OTOGL: variants seen among roughly 807,000 people sequenced by gnomAD.
OTOGL encodes otogelin-like protein.
A neutral mutation model predicts 318.5 loss-of-function variants in OTOGL; 285 were observed. The ratio of observed to expected loss-of-function variants is 0.89; its 90% CI spans 0.81 to 0.99. The LOEUF (loss-of-function observed/expected upper bound fraction) is 0.99. Among genes scored for constraint, OTOGL ranks in the 50% least tolerant of loss-of-function variants. The pLI, the probability that OTOGL is intolerant of heterozygous loss-of-function variation, is 0.00. For synonymous variants in OTOGL, 987 were observed against 936.5 expected (o/e 1.05, Z -0.99); for missense variants, 2,899 against 2,845.6 (o/e 1.02, Z -0.43).
At chr12:80,139,539 T>C (rs1374824610) in intron 1 of OTOGL, among the ~76,000 whole-genome samples, 2 of 152,160 alleles carry the variant, frequency 1.3e-5, no homozygotes, top group Admixed American at 6.6e-5. Flanking sequence ...ATGTGCACTC[T>C]CTTTTCTTTG....
At chr12:80,170,178 G>GGTGTGTGTGTGTGTGTGTGT (rs532627744) in intron 1 of OTOGL, among the ~76,000 whole-genome samples, 6 of 144,044 alleles carry the variant, frequency 4.2e-5, no homozygotes, top group African/African-American at 5.2e-5. Flanking sequence ...CTTTGTCAGG[G>GGTGTGTGTGTGTGTGTGTGT]GTGTGTGTGT....
chr12:80,356,308 T>G lies in OTOGL; in HGVS notation c.5807-108T>G. On this transcript the variant is annotated intron_variant, in intron 47 of 58. Coordinates refer to ENST00000547103, the MANE Select transcript of OTOGL (RefSeq NM_001378609.3). Reference sequence around the variant, plus strand: ...GTAAAAACATGCATAATGAGAGTCATTTCCCGTCTTTGAGTTTCCTGTCTT... The same window carrying G: ...GTAAAAACATGCATAATGAGAGTCAGTTCCCGTCTTTGAGTTTCCTGTCTT... The G allele has an allele frequency of 6.2e-6, 5 of 807,910 alleles. No individual in the cohort carries two copies. In the South Asian group the frequency reaches 9.0e-5, roughly 15 times the overall value. The allele number at this position is 807,910 out of a possible 1,614,324, so 50.0% of individuals were successfully genotyped here. A position where few individuals can be genotyped will look rare whatever the true frequency, so the allele number is the denominator to read the frequency against.
At chr12:80,302,890 A>G in intron 28 of OTOGL, 107 bp downstream of exon 28, 1 of 1,054,734 alleles carries the variant, frequency 9.5e-7, no homozygotes, top group Non-Finnish European at 1.2e-6. Flanking sequence ...GAACTAGGTT[A>G]TATTTCCAGA....
chr12:80,320,620 T>C lies in OTOGL; in HGVS notation c.4001T>C (p.Ile1334Thr). Residue 1334 changes from isoleucine (I) to threonine (T), a missense_variant, in exon 34 of 59, where the codon ATA (isoleucine) becomes ACA (threonine). Physicochemically the swap from Ile to Thr is moderately conservative, Grantham distance 89. Around this residue, in one of 3 missense-constraint regions of OTOGL, gnomAD observed 2,607 missense variants for 2,524.9 expected, o/e 1.03. Coordinates refer to ENST00000547103, the MANE Select transcript of OTOGL (RefSeq NM_001378609.3). ...ELYSKKGFFI[I>T]FTDSSVKASK... ...TACAGCAAGAAAGGCTTTTTCATCA[T>C]ATTCACAGATTCTAGTGTCAAAGCA... The C allele has an allele frequency of 6.2e-7, 1 of 1,611,430 alleles. No individual in the cohort carries two copies.
chr12:80,178,641 C>G (rs1874705991), intron 1 of OTOGL, among the ~76,000 whole-genome samples: 1 of 152,142 alleles, frequency 6.6e-6, no homozygotes, highest in African/African-American at 2.4e-5. Flanking sequence ...ATGCTTACCA[C>G]ACAGTTTGTC....
At chr12:80,302,575 A>G in intron 27 of OTOGL, 59 bp from the exon 28 acceptor site, 1 of 1,074,598 alleles carries the variant, frequency 9.3e-7, no homozygotes, top group Non-Finnish European at 1.2e-6. Flanking sequence ...AACTAATTTG[A>G]TATATTTTGG....
intron 11 of OTOGL, among the ~76,000 whole-genome samples, chr12:80,242,178 T>A (rs962174263): frequency 1.3e-5 from 2 of 152,188 alleles, no homozygotes; most frequent in Non-Finnish European, 2.9e-5. Context: ...CCACTTCATC[T>A]GAAATTTCAT....
intron 1 of OTOGL, among the ~76,000 whole-genome samples, chr12:80,105,313 T>C (rs1869393429): frequency 6.6e-6 from 1 of 152,158 alleles, no homozygotes; most frequent in Non-Finnish European, 1.5e-5. Flanking sequence ...TAAAATGGTA[T>C]GGGTAGAAGG....
At chr12:80,291,256 T>A (rs768118273) in intron 26 of OTOGL, among the ~76,000 whole-genome samples, 1 of 152,244 alleles carries the variant, frequency 6.6e-6, no homozygotes, top group Non-Finnish European at 1.5e-5. Context: ...TTTCTCTCTC[T>A]CAGTTCCTCA....
Position 80,379,359 on chromosome 12 carries a change from A to G in OTOGL, c.*1311A>G, listed in dbSNP as rs973390211. 8 of 152,010 alleles carry G rather than the reference A, an allele frequency of 5.3e-5. No homozygotes were observed. Among genetic ancestry groups the G allele is most frequent in the Non-Finnish European group, 1.0e-4 (7 of 67,894 alleles). The allele number at this position is 152,010 out of a possible 1,614,324, so 9.4% of individuals were successfully genotyped here. A position where few individuals can be genotyped will look rare whatever the true frequency, so the allele number is the denominator to read the frequency against. ...GGCTTAAACTAGATTATCTGCTTTC[A>G]TATACTAATGTTTTCATTTCAAAAT... is the stretch of plus-strand genomic sequence containing the variant. On this transcript the variant is annotated 3_prime_UTR_variant, in exon 59 of 59. Coordinates refer to ENST00000547103, the MANE Select transcript of OTOGL (RefSeq NM_001378609.3).
chr12:80,258,229 C>T (rs1459976584), intron 18 of OTOGL, among the ~76,000 whole-genome samples: 1 of 152,084 alleles, frequency 6.6e-6, no homozygotes, highest in Non-Finnish European at 1.5e-5. Context: ...CATTCAAGGT[C>T]ACTTAGCTCA....
At chr12:80,318,822 T>G (rs960952452) in intron 33 of OTOGL, 109 bp downstream of exon 33, 18 of 810,592 alleles carry the variant, frequency 2.2e-5, no homozygotes, top group Non-Finnish European at 2.8e-5. Context: ...TTTTTAAAAG[T>G]GCTCTAAAGC....
At chr12:80,297,008 T>TA in intron 27 of OTOGL, 47 bp downstream of exon 27, 1 of 1,399,178 alleles carries the variant, frequency 7.1e-7, no homozygotes. Context: ...GTCCTGAGGA[T>TA]ACTGAAAATA....
chr12:80,210,740 A>G, intron 2 of OTOGL, 107 bp from the exon 3 acceptor site: 1 of 856,630 alleles, frequency 1.2e-6, no homozygotes, highest in Non-Finnish European at 1.6e-6. Context: ...AGCAAACTTC[A>G]ATCAGAATTT....
At chr12:80,151,236 A>G (rs1872762810) in intron 1 of OTOGL, among the ~76,000 whole-genome samples, 1 of 152,156 alleles carries the variant, frequency 6.6e-6, no homozygotes, top group African/African-American at 2.4e-5. Flanking sequence ...GAATAATAAG[A>G]TTTAGGATAG....
intron 46 of OTOGL, among the ~76,000 whole-genome samples, chr12:80,354,120 A>T (rs1164553929): frequency 6.6e-6 from 1 of 152,182 alleles, no homozygotes; most frequent in Non-Finnish European, 1.5e-5. Context: ...ATCAATAGAT[A>T]ATGCCTTCTC....
chr12:80,126,550 T>C (rs1331808542), intron 1 of OTOGL, among the ~76,000 whole-genome samples: 1 of 152,178 alleles, frequency 6.6e-6, no homozygotes, highest in African/African-American at 2.4e-5. Flanking sequence ...TAGATGTCTA[T>C]TGGGTCCGCT....
At chr12:80,172,913 C>A (rs1488047024) in intron 1 of OTOGL, among the ~76,000 whole-genome samples, 2 of 152,126 alleles carry the variant, frequency 1.3e-5, no homozygotes, top group Non-Finnish European at 2.9e-5. Context: ...TGGTGGAGAA[C>A]AACACACACT....
intron 32 of OTOGL, among the ~76,000 whole-genome samples, chr12:80,317,456 G>A (rs1375144639): frequency 1.3e-5 from 2 of 152,094 alleles, no homozygotes; most frequent in East Asian, 1.9e-4. Flanking sequence ...ATTAAGGGGT[G>A]TGTGCAGCAG....
Sources: gnomAD v4.1 joint callset for allele counts (sites outside exome capture counted in the v4.1 genomes callset) on GRCh38, gnomAD v4.1.1 for gene constraint, gnomAD v4.1.1 regional missense constraint, MANE v1.5 for transcripts, NCBI Gene and HGNC (gene_info 2026-07-23, HGNC 2026-07-21) for gene names.